The following RTN4RL1 variants were observed in gnomAD, a reference collection of about 807,000 sequenced individuals.
RTN4RL1 encodes the protein reticulon 4 receptor like 1.
Under a neutral mutation model 25.6 loss-of-function variants are expected in RTN4RL1, and 7 were observed. The observed-to-expected ratio is 0.27, with a 90% CI of 0.16 to 0.51. RTN4RL1 has a LOEUF of 0.51. RTN4RL1 is among the 20% of genes least tolerant of loss of function. The pLI is 0.97. For synonymous variants in RTN4RL1, 297 were observed against 288.2 expected, an observed-to-expected ratio of 1.03 and a Z score of -0.31; for missense variants, 500 against 615.6, an observed-to-expected ratio of 0.81 and a Z score of 1.99.
chr17:2,024,173 C>G (rs1277458605), intron 1 of RTN4RL1, among the ~76,000 whole-genome samples: 1 of 152,186 alleles, frequency 6.6e-6, no homozygotes, highest in Non-Finnish European at 1.5e-5. Flanking sequence ...CTACGGTGGT[C>G]GCGAAGCCAG....
chr17:1,941,062 C>G (rs1482475434), intron 1 of RTN4RL1, among the ~76,000 whole-genome samples: 2 of 152,186 alleles, frequency 1.3e-5, no homozygotes, highest in African/African-American at 4.8e-5. Flanking sequence ...TTACAAAGTG[C>G]TTCTGCTCAC....
rs1237466011 is a variant in RTN4RL1, at chr17:1,994,071, C to T, written c.13+30782G>A. Among the ~76,000 whole-genome samples the T allele has an allele frequency of 6.6e-6, 1 of 152,154 alleles. No individual in the cohort carries two copies. The highest frequency in any genetic ancestry group is 1.5e-5 in the Non-Finnish European group (1 of 68,034). On this transcript the variant is annotated intron_variant, in intron 1 of 1. Coordinates refer to ENST00000331238, the MANE Select transcript of RTN4RL1 (RefSeq NM_178568.4). The surrounding 1 kb of genome is among the most constrained non-coding windows in gnomAD (Gnocchi z 4.3). ...CCCGGCTACGCTGAACCACCCCGTT[C>T]CTCAGGACACGTGCACTCGAACCTC...
chr17:2,008,519 T>C (rs2067018216), intron 1 of RTN4RL1, among the ~76,000 whole-genome samples: 1 of 152,100 alleles, frequency 6.6e-6, no homozygotes, highest in Non-Finnish European at 1.5e-5. Flanking sequence ...TGTGGGGTTG[T>C]AGTGATTTTC....
intron 1 of RTN4RL1, among the ~76,000 whole-genome samples, chr17:1,954,647 C>T (rs1915753325): frequency 6.6e-6 from 1 of 152,170 alleles, no homozygotes; most frequent in African/African-American, 2.4e-5. Context: ...CTCGGCCTCC[C>T]AAAGTGCTGG....
chr17:2,020,816 C>T (rs1358481112), intron 1 of RTN4RL1: 1 of 152,154 alleles, frequency 6.6e-6, no homozygotes, highest in East Asian at 1.9e-4. Context: ...CTGTATTAGC[C>T]CAGAGGCTCT....
chr17:1,993,273 A>G (rs556067120), intron 1 of RTN4RL1, among the ~76,000 whole-genome samples: 2 of 152,212 alleles, frequency 1.3e-5, no homozygotes, highest in Admixed American at 1.3e-4. Flanking sequence ...AAGAAAAGAA[A>G]CTACAGGTGT....
intron 1 of RTN4RL1, among the ~76,000 whole-genome samples, chr17:1,985,255 C>A (rs1002388990): frequency 1.3e-5 from 2 of 152,226 alleles, no homozygotes; most frequent in East Asian, 3.8e-4. Flanking sequence ...TGAGTGCCTG[C>A]ACCAATGCCC....
intron 1 of RTN4RL1, among the ~76,000 whole-genome samples, chr17:1,951,719 C>G (rs1328490167): frequency 2.0e-5 from 3 of 151,982 alleles, no homozygotes; most frequent in African/African-American, 4.8e-5. Flanking sequence ...TCCCAAAGTG[C>G]TGGGATTACA....
chr17:1,936,892 C>A lies in RTN4RL1; in HGVS notation c.930G>T (p.Pro310=), dbSNP rs558209043. 1.2e-6 allele frequency: 2 copies of A among 1,605,770 alleles called. No individual in the cohort carries two copies. Residue 310 remains proline, a synonymous_variant, in exon 2 of 2, where the codon CCG becomes CCT. Transcript: ENST00000331238. ...TGAGCGTGTGTGACTTGATCTGGTG[C>A]GGGGACGCTGGTCCCGTGCAGTTCC... is the stretch of plus-strand genomic sequence containing the variant. The part of the protein sequence containing the change: ...DFRNCTGPAS[P]HQIKSHTLTT...
chr17:1,995,462 G>T (rs935380361), intron 1 of RTN4RL1, among the ~76,000 whole-genome samples: 37 of 151,984 alleles, frequency 2.4e-4, no homozygotes, highest in Non-Finnish European at 4.7e-4. Flanking sequence ...GCATGGCAGG[G>T]GAACCTCTAC....
chr17:1,988,506 C>CAAA (rs777393625), intron 1 of RTN4RL1, among the ~76,000 whole-genome samples: 15 of 80,446 alleles, frequency 1.9e-4, no homozygotes, highest in Non-Finnish European at 3.4e-4. Flanking sequence ...GACTCTGTCT[C>CAAA]AAAAAAAAAA....
At position 1,946,964 on chromosome 17, in the gene RTN4RL1, C is replaced by T. The variant is rs559672253; in HGVS notation, c.14-9156G>A. ...TGTGTGTGTGCACGGGGTCTGTGTG[C>T]GTCTCTGTGTGAATGTGTGTGCATG... On this transcript the variant is annotated intron_variant, in intron 1 of 1. Coordinates refer to ENST00000331238, the MANE Select transcript of RTN4RL1 (RefSeq NM_178568.4). Among the ~76,000 whole-genome samples, 67 of 115,026 alleles carry T rather than the reference C, an allele frequency of 5.8e-4. 1 individual carries two copies. Among genetic ancestry groups the T allele is most frequent in the South Asian group, 4.4e-3 (16 of 3,662 alleles). 75.5% of individuals were successfully genotyped at this position (115,026 alleles called of 152,430 possible).
intron 1 of RTN4RL1, among the ~76,000 whole-genome samples, chr17:2,008,802 A>G (rs1029663861): frequency 1.3e-4 from 19 of 151,652 alleles, no homozygotes; most frequent in Non-Finnish European, 2.9e-5. Context: ...TCCTCTCACA[A>G]AGCCTCCCAG....
intron 1 of RTN4RL1, among the ~76,000 whole-genome samples, chr17:1,962,138 CCAGGCGTGGCA>C (rs2066766830): frequency 6.7e-6 from 1 of 150,210 alleles, no homozygotes; most frequent in Non-Finnish European, 1.5e-5. Context: ...AAAAAATTAG[CCAGGCGTGGCA>C]CGTGCATGCA....
intron 1 of RTN4RL1, chr17:1,995,786 G>A (rs1023124160): frequency 6.6e-6 from 1 of 152,240 alleles, no homozygotes; most frequent in Non-Finnish European, 1.5e-5. Flanking sequence ...GGTGAGAGAT[G>A]GCCTATGTGC....
Position 1,956,932 on chromosome 17 carries a change from T to C in RTN4RL1, c.14-19124A>G, listed in dbSNP as rs534831879. Among the ~76,000 whole-genome samples the C allele has an allele frequency of 2.8e-4, 43 of 151,742 alleles. 1 individual carries two copies. In the South Asian group the frequency reaches 8.8e-3, roughly 31 times the overall value. On this transcript the variant is annotated intron_variant, in intron 1 of 1. Transcript: ENST00000331238. ...CTTTTGTATTTTGAGTACAGACGGG[T>C]TTTCACCATGTTGGCCAGGCTGGTC...
At chr17:1,953,725 C>A (rs1203129862) in intron 1 of RTN4RL1, among the ~76,000 whole-genome samples, 1 of 152,016 alleles carries the variant, frequency 6.6e-6, no homozygotes, top group Non-Finnish European at 1.5e-5. Flanking sequence ...CCACCAAGCT[C>A]GGTTAATTTT....
intron 1 of RTN4RL1, among the ~76,000 whole-genome samples, chr17:2,010,728 A>T (rs1207912315): frequency 7.6e-6 from 1 of 131,954 alleles, no homozygotes; most frequent in Admixed American, 7.9e-5. Context: ...TGGCTAATTA[A>T]AAAACAAACA....
intron 1 of RTN4RL1, among the ~76,000 whole-genome samples, chr17:2,014,299 CG>C (rs2067090711): frequency 6.6e-6 from 1 of 152,058 alleles, no homozygotes; most frequent in African/African-American, 2.4e-5. Context: ...CACCAACTGG[CG>C]GGGAAGACAG....
Sources: allele counts gnomAD v4.1 joint callset (sites outside exome capture counted in the v4.1 genomes callset), GRCh38; gene constraint gnomAD v4.1.1; non-coding constraint Gnocchi (gnomAD v3.1); transcripts MANE v1.5; gene names NCBI Gene and HGNC (gene_info 2026-07-23, HGNC 2026-07-21).